The following DNAH14 variants were observed in gnomAD, a reference collection of about 807,000 sequenced individuals.
The protein encoded by DNAH14 is axonemal beta dynein heavy chain 14.
In DNAH14, 478 loss-of-function variants were observed where a neutral mutation model predicts 520.9. The observed-to-expected ratio is 0.92, with a 90% CI of 0.85 to 0.99. The LOEUF is 0.99. Among genes scored for constraint, DNAH14 ranks in the 50% least tolerant of loss-of-function variants. The pLI, the probability that DNAH14 is intolerant of heterozygous loss-of-function variation, is 0.00. For synonymous variants in DNAH14, 1,581 were observed against 1,757.2 expected (o/e 0.90, Z 2.51); for missense variants, 4,831 against 5,234.5 (o/e 0.92, Z 2.38).
At chr1:225,342,505 G>C (rs1174262538) in intron 69 of DNAH14, among the ~76,000 whole-genome samples, 1 of 151,808 alleles carries the variant, frequency 6.6e-6, no homozygotes, top group Non-Finnish European at 1.5e-5. Flanking sequence ...TTCTTTAATT[G>C]CTTTCATCAT....
At position 225,173,120 on chromosome 1, in the gene DNAH14, A is replaced by G. The variant is rs552888851; in HGVS notation, c.5535+5092A>G. The stretch of plus-strand genomic sequence containing the variant: ...TACAAAAATTAATTCAAGATGGATT[A>G]AAGACTTAAATGTTAGACCTAAAAC... On this transcript the variant is annotated intron_variant, in intron 36 of 85. Coordinates refer to ENST00000682510, the MANE Select transcript of DNAH14 (RefSeq NM_001367479.1). 1.1e-3 allele frequency among the ~76,000 whole-genome samples: 171 copies of G among 152,380 alleles called. 1 individual carries two copies. The East Asian group carries it at 0.026, about 24-fold the overall frequency.
intron 54 of DNAH14, among the ~76,000 whole-genome samples, chr1:225,288,911 A>C (rs1000218767): frequency 1.3e-5 from 2 of 152,168 alleles, no homozygotes; most frequent in African/African-American, 4.8e-5. Context: ...GCTATTTCTT[A>C]TAAAGTTTAA....
At chr1:225,271,836 T>A in intron 50 of DNAH14, 70 bp from the exon 51 acceptor site, 1 of 1,252,662 alleles carries the variant, frequency 8.0e-7, no homozygotes, top group Non-Finnish European at 1.1e-6. Flanking sequence ...CGCTTTTTAG[T>A]GGAAGGTAGC....
chr1:225,342,184 T>G (rs191590020), intron 69 of DNAH14, among the ~76,000 whole-genome samples: 1 of 152,152 alleles, frequency 6.6e-6, no homozygotes, highest in Non-Finnish European at 1.5e-5. Context: ...CTAGTTTTTT[T>G]AAAAAGGCAA....
chr1:224,946,062 G>A (rs977275943), intron 1 of DNAH14, among the ~76,000 whole-genome samples: 1 of 149,546 alleles, frequency 6.7e-6, no homozygotes. Flanking sequence ...GCTGCCTTTT[G>A]TTTGGCTATG....
chr1:224,982,650 C>T (rs568777236), intron 8 of DNAH14, among the ~76,000 whole-genome samples: 222 of 152,248 alleles, frequency 1.5e-3, no homozygotes, highest in Non-Finnish European at 2.3e-3. Flanking sequence ...GTGTTATTAT[C>T]GTCATTCAGT....
At chr1:225,042,514 T>C (rs1558766835) in intron 12 of DNAH14, among the ~76,000 whole-genome samples, 1 of 152,198 alleles carries the variant, frequency 6.6e-6, no homozygotes, top group Admixed American at 6.5e-5. Flanking sequence ...GGGCCCTGCC[T>C]CTGACTTTTT....
Position 225,346,588 on chromosome 1 carries a change from A to G in DNAH14, c.11230A>G (p.Asn3744Asp). ...DIGFLPEEEW[N>D]IFLYSGILIN... is the part of the protein sequence containing the mutation. ...TGGATTCCTACCAGAAGAAGAATGG[A>G]ACATCTTTTTATATTCTGGCATATT... The change falls in exon 71 of 86, where the codon AAC (asparagine) becomes GAC (aspartate). Residue 3744 changes from asparagine to aspartate, a missense_variant. Coordinates refer to ENST00000682510, the MANE Select transcript of DNAH14 (RefSeq NM_001367479.1). 6.4e-7 allele frequency: 1 copy of G among 1,550,768 alleles called. No individual in the cohort carries two copies.
intron 60 of DNAH14, among the ~76,000 whole-genome samples, chr1:225,313,070 C>G (rs542354254): frequency 2.6e-5 from 4 of 152,242 alleles, no homozygotes; most frequent in Non-Finnish European, 4.4e-5. Flanking sequence ...TCCATCTGGT[C>G]CTGGGCTGTT....
intron 43 of DNAH14, among the ~76,000 whole-genome samples, 156 bp from the exon 44 acceptor site, chr1:225,252,145 G>C (rs1202339096): frequency 6.6e-6 from 1 of 152,188 alleles, no homozygotes; most frequent in Non-Finnish European, 1.5e-5. Context: ...ATTGAAGATT[G>C]AGGGGAAAAC....
intron 35 of DNAH14, among the ~76,000 whole-genome samples, chr1:225,164,685 G>C (rs1055541147): frequency 6.6e-6 from 1 of 152,008 alleles, no homozygotes; most frequent in African/African-American, 2.4e-5. Context: ...TCTTTTAGCT[G>C]AAGACTGACA....
At chr1:225,322,085 C>CTTTTTTTTTTTTT (rs3047035) in intron 61 of DNAH14, among the ~76,000 whole-genome samples, 25 of 90,176 alleles carry the variant, frequency 2.8e-4, no homozygotes, top group South Asian at 5.1e-4. Flanking sequence ...TTTTTTCTTT[C>CTTTTTTTTTTTTT]TTTTTTTTTT....
At chr1:225,387,202 A>G (rs141260332) in intron 81 of DNAH14, among the ~76,000 whole-genome samples, 1 of 151,922 alleles carries the variant, frequency 6.6e-6, no homozygotes, top group South Asian at 2.1e-4. Context: ...ACACTTGGAC[A>G]CATGGTGGGG....
intron 1 of DNAH14, among the ~76,000 whole-genome samples, chr1:224,936,895 G>T (rs2059077518): frequency 6.6e-6 from 1 of 151,862 alleles, no homozygotes; most frequent in African/African-American, 2.4e-5. Flanking sequence ...TCTTCCCAGG[G>T]ATGTAAAGAT....
intron 21 of DNAH14, among the ~76,000 whole-genome samples, chr1:225,086,832 T>G (rs1445593676): frequency 6.6e-6 from 1 of 152,044 alleles, no homozygotes; most frequent in Non-Finnish European, 1.5e-5. Context: ...TTTTTAAAAT[T>G]TAGAAGTAAG....
At position 225,058,901 on chromosome 1, in the gene DNAH14, T is replaced by G. The variant is rs1171088558; in HGVS notation, c.2424+7106T>G. ...TGGCACTGTGGTCTGAGAGACAGTT[T>G]GTTATAATTTTTATTCTTTTACATT... On this transcript the variant is annotated intron_variant, in intron 17 of 85. Coordinates refer to ENST00000682510, the MANE Select transcript of DNAH14 (RefSeq NM_001367479.1). Among the ~76,000 whole-genome samples the G allele has an allele frequency of 2.6e-5, 4 of 152,192 alleles. No individual in the cohort carries two copies. The East Asian group carries it at 7.7e-4, about 29-fold the overall frequency.
At chr1:225,033,187 C>G (rs2066671891) in intron 11 of DNAH14, among the ~76,000 whole-genome samples, 1 of 152,084 alleles carries the variant, frequency 6.6e-6, no homozygotes, top group Non-Finnish European at 1.5e-5. Flanking sequence ...CCTAGGTTGT[C>G]TTCCAGGGTT....
rs188023724 is a variant in DNAH14 at position 225,161,631 on chromosome 1, T to C, written c.5445+2146T>C. Among the ~76,000 whole-genome samples, 16 of 152,346 alleles carry C rather than the reference T, an allele frequency of 1.1e-4. No homozygotes were observed. In the Middle Eastern group the frequency reaches 0.01, roughly 97 times the overall value. Reference sequence around the variant, plus strand: ...TACTAATTTACATTTTCAACCACAATGTATGAGTGTTCCCTTTTCTCCACA... The same window carrying C: ...TACTAATTTACATTTTCAACCACAACGTATGAGTGTTCCCTTTTCTCCACA... On this transcript the variant is annotated intron_variant, in intron 35 of 85. Transcript: ENST00000682510.
rs1246956208 is a variant in DNAH14, at chr1:225,159,334, C to G, written c.5294C>G (p.Ser1765Cys). The change falls in exon 35 of 86, where the codon TCT becomes TGT. Residue 1765 changes from serine to cysteine, a missense_variant. Coordinates refer to ENST00000682510, the MANE Select transcript of DNAH14 (RefSeq NM_001367479.1). Reference protein sequence around the residue: ...EFKCDTSDSLSEADETLIVIE... With the variant: ...EFKCDTSDSLCEADETLIVIE... ...TGAAGTGATACCAGTGACAGTCTTT[C>G]TGAAGCAGATGAAACCTTGATTGTT... is the stretch of plus-strand genomic sequence containing the variant. The G allele has an allele frequency of 1.3e-6, 2 of 1,551,348 alleles. No individual in the cohort carries two copies. The highest frequency in any genetic ancestry group is 3.9e-5 in the Admixed American group (2 of 50,884).
Sources: gnomAD v4.1 joint callset for allele counts (sites outside exome capture counted in the v4.1 genomes callset) on GRCh38, gnomAD v4.1.1 for gene constraint, MANE v1.5 for transcripts, NCBI Gene and HGNC (gene_info 2026-07-23, HGNC 2026-07-21) for gene names.